EHMT1: variants seen among roughly 807,000 people sequenced by gnomAD.
EHMT1 encodes the protein histone-lysine N-methyltransferase EHMT1.
A neutral mutation model predicts 147.2 loss-of-function variants in EHMT1; 15 were observed. The ratio of observed to expected loss-of-function variants is 0.10; its 90% CI spans 0.07 to 0.16. EHMT1 has a LOEUF of 0.16. Ranked by LOEUF, EHMT1 falls within the 10% of genes least tolerant of loss-of-function variation. EHMT1 has a pLI of 1.00. For missense variants in EHMT1, 1,587 were observed against 1,772.4 expected, an observed-to-expected ratio of 0.90 and a Z score of 1.88; for synonymous variants, 795 against 709.6, an observed-to-expected ratio of 1.12 and a Z score of -1.91.
At chr9:137,753,798 C>A (rs1443870952) in intron 7 of EHMT1, among the ~76,000 whole-genome samples, 2 of 151,978 alleles carry the variant, frequency 1.3e-5, no homozygotes, top group East Asian at 3.9e-4. Flanking sequence ...CTGAAGCAAG[C>A]CGAGCGTTGA....
At chr9:137,743,854 T>C (rs1948319758) in intron 5 of EHMT1, 48 bp from the exon 6 acceptor site, 1 of 1,566,394 alleles carries the variant, frequency 6.4e-7, no homozygotes, top group Admixed American at 1.9e-5. Flanking sequence ...AGTTTGTTCA[T>C]GATGCGCACT....
Position 137,627,422 on chromosome 9 carries a change from C to T in EHMT1, c.21+8373C>T, listed in dbSNP as rs78555666. ...GGATTACAGGTGCGCACCACCACTC[C>T]GGGATAATTTTTTTGTATATTTAGT... On this transcript the variant is annotated intron_variant, in intron 1 of 26. Coordinates refer to ENST00000460843, the MANE Select transcript of EHMT1 (RefSeq NM_024757.5). Among the ~76,000 whole-genome samples, 133 of 151,762 alleles carry T rather than the reference C, an allele frequency of 8.8e-4. 1 individual carries two copies. The highest frequency in any genetic ancestry group is 4.1e-3 in the East Asian group (21 of 5,138).
intron 6 of EHMT1, among the ~76,000 whole-genome samples, chr9:137,750,603 C>T (rs1948887279): frequency 6.6e-6 from 1 of 152,126 alleles, no homozygotes. Context: ...TTATTTTCTC[C>T]ATGTTTGCCT....
chr9:137,646,295 A>T (rs1844876696), intron 1 of EHMT1: 1 of 964,412 alleles, frequency 1.0e-6, no homozygotes, highest in Non-Finnish European at 1.2e-6. Flanking sequence ...CTAGAAATTT[A>T]AAATGATGTC....
At chr9:137,724,896 GA>G (rs1344055584) in intron 3 of EHMT1, among the ~76,000 whole-genome samples, 3,546 of 137,612 alleles carry the variant, frequency 0.026, 137 homozygotes, top group African/African-American at 0.1. Context: ...TCGTGGGACA[GA>G]TGTGGCATTC....
Position 137,775,679 on chromosome 9 carries a change from AC to A in EHMT1, c.1791+433del, listed in dbSNP as rs1950903564. On this transcript the variant is annotated intron_variant, in intron 11 of 26. Coordinates refer to ENST00000460843, the MANE Select transcript of EHMT1 (RefSeq NM_024757.5). The surrounding 1 kb of genome is among the most constrained non-coding windows in gnomAD (Gnocchi z 6.1). ...TGACAAGGGTGTACTGAGGACATTCACCCCCCATGATAAGGGTGTCCAGAGC... is the reference window on the plus strand; with the variant it reads ...TGACAAGGGTGTACTGAGGACATTCACCCCCATGATAAGGGTGTCCAGAGC... Among the ~76,000 whole-genome samples, 1 of 151,464 alleles carries A rather than the reference AC, an allele frequency of 6.6e-6. No individual in the cohort carries two copies. The highest frequency in any genetic ancestry group is 6.6e-5 in the Admixed American group (1 of 15,222).
chr9:137,790,390 C>A (rs939957318), intron 15 of EHMT1, among the ~76,000 whole-genome samples: 1 of 152,130 alleles, frequency 6.6e-6, no homozygotes, highest in Non-Finnish European at 1.5e-5. Flanking sequence ...GAAACTGTTC[C>A]GGAATGCATG....
At chr9:137,694,135 G>A (rs1008073040) in intron 1 of EHMT1, among the ~76,000 whole-genome samples, 5 of 107,418 alleles carry the variant, frequency 4.7e-5, no homozygotes, top group African/African-American at 1.9e-4. Context: ...AGTGGCGCAG[G>A]ACGCTGGCCG....
At chr9:137,722,137 T>C (rs1253261021) in intron 3 of EHMT1, among the ~76,000 whole-genome samples, 3 of 152,206 alleles carry the variant, frequency 2.0e-5, no homozygotes, top group Admixed American at 2.0e-4. Flanking sequence ...AAACTGTACA[T>C]CATTCGTCTC....
At chr9:137,806,110 G>A (rs1170406378) in intron 18 of EHMT1, among the ~76,000 whole-genome samples, 9 of 149,688 alleles carry the variant, frequency 6.0e-5, no homozygotes, top group Non-Finnish European at 1.2e-4. Flanking sequence ...CAGGCACATG[G>A]CACCACGCCT....
rs1479600223 is a variant in EHMT1 at position 137,835,668 on chromosome 9, T to C, written c.*715T>C. The C allele has an allele frequency of 6.6e-6, 1 of 152,666 alleles. No homozygotes were observed. Among genetic ancestry groups the C allele is most frequent in the Non-Finnish European group, 1.5e-5 (1 of 68,050 alleles). The allele number at this position is 152,666 out of a possible 1,614,324, so 9.5% of individuals were successfully genotyped here. ...TGATTTTTTAAGCCACATGCTATGA[T>C]GAATAAACTGATTTATTTTCTACCA... On this transcript the variant is annotated 3_prime_UTR_variant, in exon 27 of 27. Coordinates refer to ENST00000460843, the MANE Select transcript of EHMT1 (RefSeq NM_024757.5).
chr9:137,799,680 G>A (rs1953282974), intron 17 of EHMT1, among the ~76,000 whole-genome samples: 1 of 152,238 alleles, frequency 6.6e-6, no homozygotes, highest in Admixed American at 6.5e-5. Flanking sequence ...TCCTTCAGGA[G>A]GCTTGGTCCG....
intron 1 of EHMT1, among the ~76,000 whole-genome samples, chr9:137,666,270 C>G (rs1261235317): frequency 6.6e-6 from 1 of 152,240 alleles, no homozygotes. Flanking sequence ...ACTGAGGGTA[C>G]TGAGAACAGC....
Position 137,776,488 on chromosome 9 carries a change from C to A in EHMT1, c.1792-130C>A. The A allele has an allele frequency of 1.2e-6, 1 of 855,254 alleles. No individual in the cohort carries two copies. The allele number at this position is 855,254 out of a possible 1,614,324, so 53.0% of individuals were successfully genotyped here. On this transcript the variant is annotated intron_variant, in intron 11 of 26. Coordinates refer to ENST00000460843, the MANE Select transcript of EHMT1 (RefSeq NM_024757.5). The surrounding 1 kb of genome is among the most constrained non-coding windows in gnomAD (Gnocchi z 4.4). ...ACGATGCCTGGGGCCAAGACTGGAC[C>A]CCACCCCGACCCATGGCTCACTCTG...
chr9:137,779,216 A>G (rs921588609), intron 13 of EHMT1, among the ~76,000 whole-genome samples: 1 of 152,218 alleles, frequency 6.6e-6, no homozygotes, highest in African/African-American at 2.4e-5. Context: ...CGCCCAGGAC[A>G]TCTTCTGTAG....
chr9:137,677,419 G>C (rs1158070931), intron 1 of EHMT1, among the ~76,000 whole-genome samples: 1 of 152,102 alleles, frequency 6.6e-6, no homozygotes, highest in Non-Finnish European at 1.5e-5. Flanking sequence ...ACAGGCGTGA[G>C]CCACCAGGAC....
chr9:137,730,782 G>A (rs1947041117), intron 4 of EHMT1, among the ~76,000 whole-genome samples: 1 of 152,240 alleles, frequency 6.6e-6, no homozygotes, highest in African/African-American at 2.4e-5. Flanking sequence ...TGGATGGTCT[G>A]CTTACCTTGC....
intron 10 of EHMT1, among the ~76,000 whole-genome samples, chr9:137,768,257 T>G (rs1009483195): frequency 6.6e-6 from 1 of 152,126 alleles, no homozygotes; most frequent in Non-Finnish European, 1.5e-5. Context: ...CCATTTAATG[T>G]AAGTATTAAT....
At chr9:137,817,361 A>G (rs1955002030) in intron 23 of EHMT1, 78 bp from the exon 24 acceptor site, 1 of 1,484,566 alleles carries the variant, frequency 6.7e-7, no homozygotes, top group African/African-American at 1.4e-5. Flanking sequence ...GTGACGTGGC[A>G]CCAGCTGGCT....
Sources: allele counts gnomAD v4.1 joint callset (sites outside exome capture counted in the v4.1 genomes callset), GRCh38; gene constraint gnomAD v4.1.1; non-coding constraint Gnocchi (gnomAD v3.1); transcripts MANE v1.5; gene names NCBI Gene and HGNC (gene_info 2026-07-23, HGNC 2026-07-21).